The following CTNNA3 variants were observed in gnomAD, a reference collection of about 807,000 sequenced individuals.
CTNNA3 encodes the protein catenin alpha-3.
A neutral mutation model predicts 95.7 loss-of-function variants in CTNNA3; 76 were observed. That is an observed-to-expected ratio of 0.79 (90% CI 0.66 to 0.96). The LOEUF is 0.96. Ranked by LOEUF, CTNNA3 falls within the 40% of genes least tolerant of loss-of-function variation. The probability of loss-of-function intolerance (pLI) is 0.00; values close to 1 mark genes in which losing one functional copy is unlikely to be tolerated. For missense variants in CTNNA3, 1,191 were observed against 1,089.8 expected (o/e 1.09, Z -1.31); for synonymous variants, 431 against 374.4 (o/e 1.15, Z -1.74).
intron 7 of CTNNA3, among the ~76,000 whole-genome samples, chr10:66,919,153 A>AAAAG (rs1425530496): frequency 2.0e-5 from 3 of 151,544 alleles, no homozygotes; most frequent in African/African-American, 7.3e-5. Flanking sequence ...AAAAAAAAAA[A>AAAAG]AAGACATATG....
intron 10 of CTNNA3, among the ~76,000 whole-genome samples, chr10:66,576,202 G>A (rs1842997868): frequency 6.6e-6 from 1 of 152,084 alleles, no homozygotes; most frequent in East Asian, 1.9e-4. Context: ...AATCACTGGG[G>A]AGCTTGTTAA....
At chr10:66,303,241 T>TA (rs1237524807) in intron 12 of CTNNA3, among the ~76,000 whole-genome samples, 1 of 150,972 alleles carries the variant, frequency 6.6e-6, no homozygotes, top group Non-Finnish European at 1.5e-5. Context: ...AAAAAAGAAA[T>TA]AAAAAAATGT....
At chr10:65,984,184 C>T (rs895661278) in intron 16 of CTNNA3, among the ~76,000 whole-genome samples, 3 of 151,138 alleles carry the variant, frequency 2.0e-5, no homozygotes, top group Non-Finnish European at 4.5e-5. Context: ...AAAGAGAAAG[C>T]AACCAATGTT....
chr10:67,043,861 T>A (rs192051005), intron 7 of CTNNA3, among the ~76,000 whole-genome samples: 4 of 151,412 alleles, frequency 2.6e-5, no homozygotes, highest in African/African-American at 9.7e-5. Context: ...TACTTCTATA[T>A]GCCCAACATT....
At chr10:67,741,057 G>T (rs1203302030) in intron 1 of CTNNA3, among the ~76,000 whole-genome samples, 1 of 150,782 alleles carries the variant, frequency 6.6e-6, no homozygotes, top group Non-Finnish European at 1.5e-5. Context: ...ACTATCGCAA[G>T]AACAAAAAAA....
At chr10:66,647,511 CT>C (rs59117038) in intron 9 of CTNNA3, among the ~76,000 whole-genome samples, 150 of 146,530 alleles carry the variant, frequency 1.0e-3, no homozygotes, top group South Asian at 2.8e-3. Flanking sequence ...AAAAATTACT[CT>C]TTTTTTTTTT....
At chr10:67,655,321 A>G (rs1839990752) in intron 1 of CTNNA3, among the ~76,000 whole-genome samples, 1 of 152,240 alleles carries the variant, frequency 6.6e-6, no homozygotes, top group South Asian at 2.1e-4. Flanking sequence ...TAAATATAAA[A>G]GAGAAATATT....
intron 10 of CTNNA3, among the ~76,000 whole-genome samples, chr10:66,613,772 A>G (rs1034587323): frequency 1.3e-5 from 2 of 152,112 alleles, no homozygotes; most frequent in African/African-American, 2.4e-5. Context: ...TGAAGTGAAA[A>G]GAAATAAATT....
intron 11 of CTNNA3, among the ~76,000 whole-genome samples, chr10:66,478,053 TC>T (rs1839387898): frequency 6.6e-6 from 1 of 152,074 alleles, no homozygotes; most frequent in South Asian, 2.1e-4. Flanking sequence ...AGTCAAATCT[TC>T]CTTTCAAGTA....
chr10:66,360,283 T>C (rs1248668409), intron 12 of CTNNA3, among the ~76,000 whole-genome samples: 1 of 148,744 alleles, frequency 6.7e-6, no homozygotes. Flanking sequence ...AAAATAAGGG[T>C]TTCCACGTGT....
At chr10:67,186,953 T>G (rs1862881710) in intron 6 of CTNNA3, among the ~76,000 whole-genome samples, 1 of 152,194 alleles carries the variant, frequency 6.6e-6, no homozygotes, top group African/African-American at 2.4e-5. Flanking sequence ...TAGAAGCAGA[T>G]AGCCTGGGTT....
chr10:67,228,965 C>T (rs1865064564), intron 5 of CTNNA3, among the ~76,000 whole-genome samples: 2 of 152,076 alleles, frequency 1.3e-5, no homozygotes, highest in Non-Finnish European at 2.9e-5. Flanking sequence ...CTAATTCACT[C>T]TATGAAGCCA....
chr10:67,324,580 A>G (rs1841464189), intron 5 of CTNNA3, among the ~76,000 whole-genome samples: 1 of 152,156 alleles, frequency 6.6e-6, no homozygotes, highest in Non-Finnish European at 1.5e-5. Context: ...CATTCTAGGG[A>G]TAAAGCCTAA....
chr10:66,583,906 T>A (rs150225642), intron 10 of CTNNA3, among the ~76,000 whole-genome samples: 4 of 152,050 alleles, frequency 2.6e-5, no homozygotes, highest in South Asian at 2.1e-4. Flanking sequence ...TCAAAAATTT[T>A]TTAAATTTCC....
intron 13 of CTNNA3, among the ~76,000 whole-genome samples, chr10:66,157,849 G>T (rs933732775): frequency 4.0e-5 from 6 of 151,710 alleles, no homozygotes; most frequent in Admixed American, 4.0e-4. Flanking sequence ...TTTTATTATG[G>T]CCATTCTTGC....
At chr10:67,711,031 G>A (rs1427572761) in intron 1 of CTNNA3, among the ~76,000 whole-genome samples, 1 of 152,150 alleles carries the variant, frequency 6.6e-6, no homozygotes, top group Non-Finnish European at 1.5e-5. Flanking sequence ...GTTTTAAAAA[G>A]GGGAGTTTCC....
chr10:65,978,294 T>C (rs960097805), intron 16 of CTNNA3, among the ~76,000 whole-genome samples: 7 of 152,190 alleles, frequency 4.6e-5, no homozygotes, highest in African/African-American at 1.7e-4. Flanking sequence ...ATTATATATG[T>C]TGCAGTTCCT....
chr10:66,331,497 G>A (rs1025217241), intron 12 of CTNNA3, among the ~76,000 whole-genome samples: 2 of 150,938 alleles, frequency 1.3e-5, no homozygotes, highest in African/African-American at 4.9e-5. Context: ...GGGACTACAG[G>A]CGCGCACCAC....
At chr10:66,995,925 A>T (rs1377404811) in intron 7 of CTNNA3, among the ~76,000 whole-genome samples, 1 of 152,198 alleles carries the variant, frequency 6.6e-6, no homozygotes, top group Non-Finnish European at 1.5e-5. Context: ...TGCATTAGAC[A>T]TTGTATTCAG....
Sources: gnomAD v4.1 joint callset for allele counts (sites outside exome capture counted in the v4.1 genomes callset) on GRCh38, gnomAD v4.1.1 for gene constraint, MANE v1.5 for transcripts, NCBI Gene and HGNC (gene_info 2026-07-23, HGNC 2026-07-21) for gene names.